Variants in LCOR observed in about 807,000 individuals in gnomAD.
LCOR encodes the protein ligand-dependent corepressor.
In LCOR, 14 loss-of-function variants were observed where a neutral mutation model predicts 64.4. That is an observed-to-expected ratio of 0.22 (90% CI 0.14 to 0.34). LCOR has a LOEUF of 0.34. Ranked by LOEUF, LCOR falls within the 10% of genes least tolerant of loss-of-function variation. The pLI, the probability that LCOR is intolerant of heterozygous loss-of-function variation, is 1.00. For synonymous variants in LCOR, 643 were observed against 642.5 expected (o/e 1.00, Z -0.01); for missense variants, 1,686 against 1,765.3 (o/e 0.96, Z 0.80).
intron 7 of LCOR, chr10:96,956,238 TTTGTTGTTG>T: frequency 1.9e-6 from 2 of 1,037,180 alleles, no homozygotes; most frequent in Non-Finnish European, 2.3e-6. Flanking sequence ...TTTGTTTTTT[TTTGTTGTTG>T]TTGTTTTTTC....
chr10:96,912,328 C>T (rs1463383757), intron 4 of LCOR, among the ~76,000 whole-genome samples: 1 of 152,152 alleles, frequency 6.6e-6, no homozygotes, highest in African/African-American at 2.4e-5. Context: ...TATTCTTTAA[C>T]CAGATTCTCC....
At chr10:96,835,569 G>T (rs7895214) in intron 2 of LCOR, among the ~76,000 whole-genome samples, 40,637 of 152,010 alleles carry the variant, frequency 0.27, 7,788 homozygotes, top group African/African-American at 0.55. Flanking sequence ...GTGATCCTTA[G>T]GCAATTCAAA....
chr10:96,960,172 A>AACCT (rs1317825238), intron 7 of LCOR: 1 of 152,222 alleles, frequency 6.6e-6, no homozygotes, highest in Non-Finnish European at 1.5e-5. Flanking sequence ...AGTACATAGC[A>AACCT]ACCTTTGAGC....
At chr10:96,847,499 A>G (rs1411243383) in intron 2 of LCOR, among the ~76,000 whole-genome samples, 3 of 151,982 alleles carry the variant, frequency 2.0e-5, no homozygotes, top group African/African-American at 7.2e-5. Context: ...CTGGAGTGCA[A>G]TGGCACGATC....
chr10:96,940,375 C>T (rs1427133459), intron 4 of LCOR, among the ~76,000 whole-genome samples: 2 of 96,216 alleles, frequency 2.1e-5, no homozygotes, highest in African/African-American at 8.4e-5. Context: ...GGGGATTTGG[C>T]AGGGTCATAG....
chr10:96,878,639 A>C (rs1846210279), intron 2 of LCOR, among the ~76,000 whole-genome samples: 3 of 152,190 alleles, frequency 2.0e-5, no homozygotes, highest in African/African-American at 7.2e-5. Context: ...CTCTGTGAGC[A>C]TAATATTGCT....
intron 7 of LCOR, among the ~76,000 whole-genome samples, chr10:96,966,289 C>G (rs528577061): frequency 8.2e-6 from 1 of 121,864 alleles, no homozygotes; most frequent in Non-Finnish European, 1.6e-5. Flanking sequence ...AGTGCAGTGG[C>G]GCGATCTCGG....
chr10:96,956,126 T>C (rs1847769265), intron 7 of LCOR: 2 of 1,384,320 alleles, frequency 1.4e-6, no homozygotes, highest in Non-Finnish European at 1.9e-6. Flanking sequence ...GCTCGGAATA[T>C]GTTTGGCCTT....
At chr10:96,839,751 T>A (rs574781843) in intron 2 of LCOR, among the ~76,000 whole-genome samples, 14 of 152,260 alleles carry the variant, frequency 9.2e-5, no homozygotes, top group Non-Finnish European at 2.1e-4. Flanking sequence ...AGTGGCGTGA[T>A]CATGGCTTAT....
rs1242464367 is a variant in LCOR, at chr10:96,989,709, T to A, written c.*4575T>A. On this transcript the variant is annotated 3_prime_UTR_variant, in exon 8 of 8. Transcript: ENST00000421806. The stretch of plus-strand genomic sequence containing the variant: ...TATATATATATATTTTTTTTTTTTT[T>A]TTTTTTTTTTAATAGAGACGAGGTT... The A allele has an allele frequency of 3.3e-5, 4 of 120,738 alleles. No individual in the cohort carries two copies. Among genetic ancestry groups the A allele is most frequent in the African/African-American group, 1.7e-4 (4 of 23,030 alleles). The allele number at this position is 120,738 out of a possible 1,614,324, so 7.5% of individuals were successfully genotyped here. A position where few individuals can be genotyped will look rare whatever the true frequency, so the allele number is the denominator to read the frequency against.
rs774059746 is a variant in LCOR, at chr10:96,985,135, T to G, written c.*1T>G. 3 of 1,587,248 alleles carry G rather than the reference T, an allele frequency of 1.9e-6. No homozygotes were observed. Among genetic ancestry groups the G allele is most frequent in the South Asian group, 2.3e-5 (2 of 86,366 alleles). On this transcript the variant is annotated 3_prime_UTR_variant, in exon 8 of 8. Coordinates refer to ENST00000421806, the MANE Select transcript of LCOR (RefSeq NM_001346516.2). ...ACGGAGGCGGCTGGATGCAAAGTGA[T>G]TGGAAAGATGGTAGCCAAGAGTAAA...
chr10:96,992,035 T>C lies in LCOR; in HGVS notation c.*6901T>C, dbSNP rs781230013. Reference sequence around the variant, plus strand: ...TGTGATCTGCACCTCATAGTTGTCTTGTAGCTAAAGCTGAGGTATTTGGGA... The same window carrying C: ...TGTGATCTGCACCTCATAGTTGTCTCGTAGCTAAAGCTGAGGTATTTGGGA... On this transcript the variant is annotated 3_prime_UTR_variant, in exon 8 of 8. Coordinates refer to ENST00000421806, the MANE Select transcript of LCOR (RefSeq NM_001346516.2). 6.6e-6 allele frequency: 1 copy of C among 152,236 alleles called. No homozygotes were observed. Among genetic ancestry groups the C allele is most frequent in the African/African-American group, 2.4e-5 (1 of 41,466 alleles). The allele number at this position is 152,236 out of a possible 1,614,324, so 9.4% of individuals were successfully genotyped here.
chr10:96,857,436 T>G (rs999379134), intron 2 of LCOR, among the ~76,000 whole-genome samples: 4 of 152,228 alleles, frequency 2.6e-5, no homozygotes, highest in African/African-American at 9.6e-5. Context: ...AAATTTATCA[T>G]GTCCAGCTTC....
chr10:96,950,993 G>GT (rs902266450), intron 6 of LCOR, among the ~76,000 whole-genome samples: 2 of 151,902 alleles, frequency 1.3e-5, no homozygotes, highest in South Asian at 2.1e-4. Context: ...TGAGTGTGGG[G>GT]TTTTTTTATT....
chr10:96,874,527 C>T lies in LCOR; in HGVS notation c.-329-32738C>T, dbSNP rs117199838. ...TAGTATTTTTTATGCCAGTAACTGA[C>T]CGAGCAGTCATAATAAACTCCTGGT... On this transcript the variant is annotated intron_variant, in intron 2 of 7. Coordinates refer to ENST00000421806, the MANE Select transcript of LCOR (RefSeq NM_001346516.2). Among the ~76,000 whole-genome samples the T allele has an allele frequency of 3.1e-4, 47 of 152,200 alleles. 2 individuals are homozygous for T. In the East Asian group the frequency reaches 9.1e-3, roughly 29 times the overall value.
intron 7 of LCOR, chr10:96,958,090 G>C: frequency 9.2e-7 from 1 of 1,090,176 alleles, no homozygotes; most frequent in Non-Finnish European, 1.1e-6. Flanking sequence ...TCAAGAATTT[G>C]TCAGCACACA....
At chr10:96,949,412 A>T in intron 6 of LCOR, 117 bp downstream of exon 6, 1 of 929,604 alleles carries the variant, frequency 1.1e-6, no homozygotes, top group South Asian at 1.6e-5. Flanking sequence ...AACTAATGTG[A>T]TTCTTAAATT....
intron 2 of LCOR, among the ~76,000 whole-genome samples, chr10:96,856,435 CT>C (rs1845805829): frequency 6.6e-6 from 1 of 151,628 alleles, no homozygotes; most frequent in African/African-American, 2.4e-5. Flanking sequence ...CCCTCCCTTC[CT>C]TTCTTTCCTT....
At chr10:96,857,930 T>C (rs750988661) in intron 2 of LCOR, among the ~76,000 whole-genome samples, 1 of 152,214 alleles carries the variant, frequency 6.6e-6, no homozygotes, top group Non-Finnish European at 1.5e-5. Context: ...GAAGTCTTCT[T>C]ACCATAAAAT....
Sources: allele counts gnomAD v4.1 joint callset (sites outside exome capture counted in the v4.1 genomes callset), GRCh38; gene constraint gnomAD v4.1.1; transcripts MANE v1.5; gene names NCBI Gene and HGNC (gene_info 2026-07-23, HGNC 2026-07-21).